The following HEMK2 variants were observed in gnomAD, a reference collection of about 807,000 sequenced individuals.
The protein encoded by HEMK2 is methyltransferase HEMK2.
the HEMK2 span, among the ~76,000 whole-genome samples, chr21:28,822,915 T>G: frequency 1.3e-5 from 2 of 152,192 alleles, no homozygotes; most frequent in African/African-American, 4.8e-5. Context: ...TGTGTACTGC[T>G]TGCTGACAAC....
At chr21:28,732,930 T>C in the HEMK2 span, among the ~76,000 whole-genome samples, 1 of 152,148 alleles carries the variant, frequency 6.6e-6, no homozygotes, top group African/African-American at 2.4e-5. Context: ...GACTGTGCAA[T>C]ATTGAAGCTT....
the HEMK2 span, among the ~76,000 whole-genome samples, chr21:28,809,197 T>A: frequency 6.6e-6 from 1 of 151,950 alleles, no homozygotes; most frequent in Non-Finnish European, 1.5e-5. Context: ...TTGAAGAAAG[T>A]TTAGACAGTC....
the HEMK2 span, among the ~76,000 whole-genome samples, chr21:28,862,891 G>A: frequency 3.3e-5 from 5 of 152,148 alleles, no homozygotes; most frequent in Non-Finnish European, 7.3e-5. Flanking sequence ...TCGGGGATTG[G>A]TGCGTTTCTG....
the HEMK2 span, among the ~76,000 whole-genome samples, chr21:28,881,196 T>C: frequency 2.0e-5 from 3 of 152,226 alleles, no homozygotes; most frequent in South Asian, 6.2e-4. Context: ...GAGGACCCAC[T>C]GCCCCTTTCT....
At chr21:28,744,122 G>GA in the HEMK2 span, among the ~76,000 whole-genome samples, 8,792 of 151,870 alleles carry the variant, frequency 0.058, 357 homozygotes, top group Middle Eastern at 0.11. Context: ...GTTCAGAAGA[G>GA]AAAAAACTAT....
chr21:28,789,530 C>T, the HEMK2 span, among the ~76,000 whole-genome samples: 22 of 152,186 alleles, frequency 1.4e-4, no homozygotes, highest in African/African-American at 5.3e-4. Flanking sequence ...TAATCTTCTA[C>T]AAGTGCATTT....
the HEMK2 span, among the ~76,000 whole-genome samples, chr21:28,830,749 C>T: frequency 1.3e-5 from 2 of 151,770 alleles, no homozygotes; most frequent in African/African-American, 2.4e-5. Flanking sequence ...TGGTGGCAGG[C>T]GCATGCAATC....
the HEMK2 span, among the ~76,000 whole-genome samples, chr21:28,824,023 T>G: frequency 6.6e-6 from 1 of 152,194 alleles, no homozygotes; most frequent in Non-Finnish European, 1.5e-5. Flanking sequence ...TTTTATAAGC[T>G]TCTCCCAAAT....
At chr21:28,777,239 A>G in the HEMK2 span, among the ~76,000 whole-genome samples, 235 of 152,300 alleles carry the variant, frequency 1.5e-3, 1 homozygote, top group African/African-American at 5.6e-3. Flanking sequence ...TGCCTTCTCT[A>G]TTTCAGTTTT....
the HEMK2 span, among the ~76,000 whole-genome samples, chr21:28,669,752 A>G: frequency 6.6e-6 from 1 of 152,174 alleles, no homozygotes; most frequent in Non-Finnish European, 1.5e-5. Context: ...TATGAAATCC[A>G]TACACATGAA....
the HEMK2 span, among the ~76,000 whole-genome samples, chr21:28,635,657 AT>A: frequency 6.6e-6 from 1 of 152,164 alleles, no homozygotes; most frequent in Non-Finnish European, 1.5e-5. Context: ...AATCCTCATA[AT>A]AGCTCCAGGA....
the HEMK2 span, among the ~76,000 whole-genome samples, chr21:28,652,158 A>T: frequency 2.6e-5 from 4 of 152,196 alleles, no homozygotes; most frequent in African/African-American, 9.7e-5. Context: ...TTAAAACATA[A>T]GAAAAGTTAG....
chr21:28,602,016 A>G, the HEMK2 span, among the ~76,000 whole-genome samples: 1 of 152,218 alleles, frequency 6.6e-6, no homozygotes, highest in South Asian at 2.1e-4. Flanking sequence ...TTCATTGTAC[A>G]TTGTCATCAG....
the HEMK2 span, among the ~76,000 whole-genome samples, chr21:28,728,323 T>A: frequency 6.6e-6 from 1 of 152,186 alleles, no homozygotes; most frequent in Non-Finnish European, 1.5e-5. Context: ...AATACAGATA[T>A]GAAAATGAGT....
chr21:28,789,333 C>T, the HEMK2 span, among the ~76,000 whole-genome samples: 239 of 152,070 alleles, frequency 1.6e-3, 1 homozygote, highest in African/African-American at 5.4e-3. Context: ...GCTCAATAAA[C>T]GGCGTATAGC....
At chr21:28,781,156 A>C in the HEMK2 span, among the ~76,000 whole-genome samples, 2 of 152,208 alleles carry the variant, frequency 1.3e-5, no homozygotes, top group African/African-American at 2.4e-5. Context: ...GGGCCAGGAC[A>C]GCAGATATGA....
At chr21:28,656,156 G>A in the HEMK2 span, among the ~76,000 whole-genome samples, 1 of 152,034 alleles carries the variant, frequency 6.6e-6, no homozygotes, top group African/African-American at 2.4e-5. Flanking sequence ...GAAGATGATG[G>A]CCGAGGTATC....
At chr21:28,705,381 T>C in the HEMK2 span, among the ~76,000 whole-genome samples, 1 of 152,174 alleles carries the variant, frequency 6.6e-6, no homozygotes, top group Non-Finnish European at 1.5e-5. Context: ...AAATAATTTC[T>C]TCAGGAGGCT....
the HEMK2 span, among the ~76,000 whole-genome samples, chr21:28,877,981 G>C: frequency 6.6e-6 from 1 of 152,032 alleles, no homozygotes; most frequent in Non-Finnish European, 1.5e-5. Flanking sequence ...GAAAAGAGAA[G>C]ATAATACTTT....
Sources: gnomAD v4.1 joint callset for allele counts (sites outside exome capture counted in the v4.1 genomes callset) on GRCh38, gnomAD v4.1.1 for gene constraint, MANE v1.5 for transcripts, NCBI Gene and HGNC (gene_info 2026-07-23, HGNC 2026-07-21) for gene names.